The following MAOA variants were observed in gnomAD, a reference collection of about 807,000 sequenced individuals.
The protein encoded by MAOA is monoamine oxidase A, also known as amine oxidase [flavin-containing] A.
MAOA carries 6 observed loss-of-function variants against 42.0 expected under a neutral mutation model. The observed-to-expected ratio is 0.14, with a 90% CI of 0.08 to 0.28. The LOEUF (loss-of-function observed/expected upper bound fraction) is 0.28. MAOA is among the 10% of genes least tolerant of loss of function. MAOA has a pLI of 1.00. For missense variants in MAOA, 262 were observed against 422.3 expected (o/e 0.62, Z 3.33); for synonymous variants, 140 against 154.0 (o/e 0.91, Z 0.67).
chrX:43,687,822 T>C (rs2033499261), intron 2 of MAOA, among the ~76,000 whole-genome samples: 2 of 112,680 alleles, frequency 1.8e-5, no homozygotes, highest in Admixed American at 1.9e-4. Flanking sequence ...CAGACCCTCA[T>C]TTGTTTTGTC....
At chrX:43,711,539 G>A in intron 3 of MAOA, among the ~76,000 whole-genome samples, 1 of 112,269 alleles carries the variant, frequency 8.9e-6, no homozygotes, top group Non-Finnish European at 1.9e-5. Context: ...GAATTCAGGA[G>A]TTGAGAATAT....
chrX:43,665,046 C>T (rs891287941), intron 1 of MAOA, among the ~76,000 whole-genome samples: 6 of 111,426 alleles, frequency 5.4e-5, no homozygotes, highest in African/African-American at 1.3e-4. Flanking sequence ...ATGTCACTTT[C>T]GGGAATAAAG....
intron 1 of MAOA, among the ~76,000 whole-genome samples, chrX:43,682,752 A>G (rs1158404760): frequency 8.9e-6 from 1 of 112,025 alleles, no homozygotes; most frequent in Non-Finnish European, 1.9e-5. Context: ...AAAACTTGAC[A>G]AACACCACCT....
intron 3 of MAOA, among the ~76,000 whole-genome samples, chrX:43,694,042 C>G (rs1267490168): frequency 1.8e-5 from 2 of 111,635 alleles, no homozygotes; most frequent in Admixed American, 9.5e-5. Flanking sequence ...TGTTTAAACT[C>G]TAGCCACTGA....
Position 43,658,010 on chromosome X carries a change from T to A in MAOA, c.73+1596T>A, listed in dbSNP as rs2033199609. ...ATTTCAGCTTGTTTCTCTTTATTTA[T>A]TTATGTATTTATTTATTCATTCAAA... On this transcript the variant is annotated intron_variant, in intron 1 of 14. Transcript: ENST00000338702. 2.0e-5 allele frequency: 12 copies of A among 587,270 alleles called. No homozygotes were observed. In the South Asian group the frequency reaches 8.9e-4, roughly 44 times the overall value. 48.4% of individuals were successfully genotyped at this position (587,270 alleles called of 1,213,427 possible).
chrX:43,699,418 A>G (rs2033605417), intron 3 of MAOA, among the ~76,000 whole-genome samples: 1 of 106,190 alleles, frequency 9.4e-6, no homozygotes. Flanking sequence ...GGTGAGGGGT[A>G]TGGAGAGGGA....
intron 5 of MAOA, among the ~76,000 whole-genome samples, chrX:43,713,302 GGA>G (rs2033713308): frequency 9.0e-6 from 1 of 111,104 alleles, no homozygotes; most frequent in Non-Finnish European, 1.9e-5. Context: ...ATGGATGCAG[GGA>G]GGGGAACAAC....
At chrX:43,703,719 G>A (rs1419284193) in intron 3 of MAOA, among the ~76,000 whole-genome samples, 1 of 111,624 alleles carries the variant, frequency 9.0e-6, no homozygotes, top group African/African-American at 3.3e-5. Flanking sequence ...AACTTTGGAA[G>A]TGCTCCATAT....
intron 9 of MAOA, among the ~76,000 whole-genome samples, chrX:43,733,290 A>G (rs967129841): frequency 1.8e-5 from 2 of 112,547 alleles, no homozygotes; most frequent in African/African-American, 6.5e-5. Context: ...CCAGTTCAGA[A>G]TTGAGCCAGG....
intron 3 of MAOA, among the ~76,000 whole-genome samples, chrX:43,708,720 T>A (rs1180850015): frequency 9.4e-6 from 1 of 106,446 alleles, no homozygotes; most frequent in African/African-American, 3.4e-5. Flanking sequence ...TGGAGTGTAG[T>A]GGCACGATAT....
At chrX:43,705,943 A>G (rs1206694612) in intron 3 of MAOA, among the ~76,000 whole-genome samples, 2 of 112,448 alleles carry the variant, frequency 1.8e-5, no homozygotes, top group Non-Finnish European at 3.8e-5. Flanking sequence ...TGGCTGTAAT[A>G]AAAAAGGCAG....
At chrX:43,657,893 T>G (rs2033197861) in intron 1 of MAOA, 6 of 753,768 alleles carry the variant, frequency 8.0e-6, no homozygotes, top group Non-Finnish European at 9.4e-6. Flanking sequence ...GAACTGTTGC[T>G]TTGCCAGTTC....
chrX:43,669,814 A>G (rs2033313717), intron 1 of MAOA, among the ~76,000 whole-genome samples: 1 of 111,897 alleles, frequency 8.9e-6, no homozygotes, highest in African/African-American at 3.3e-5. Flanking sequence ...GTAATCTGGA[A>G]CACAATGAAC....
At chrX:43,663,275 T>A (rs934008363) in intron 1 of MAOA, among the ~76,000 whole-genome samples, 1 of 111,686 alleles carries the variant, frequency 9.0e-6, no homozygotes, top group Admixed American at 9.6e-5. Context: ...ATTCACACTT[T>A]CCCCATGGCT....
At chrX:43,680,106 A>G (rs2033431127) in intron 1 of MAOA, among the ~76,000 whole-genome samples, 1 of 112,070 alleles carries the variant, frequency 8.9e-6, no homozygotes, top group Non-Finnish European at 1.9e-5. Context: ...ATGTAAGAGT[A>G]GTGTACTTGA....
chrX:43,714,321 G>A (rs1319530301), intron 5 of MAOA, among the ~76,000 whole-genome samples: 1 of 110,780 alleles, frequency 9.0e-6, no homozygotes, highest in East Asian at 2.9e-4. Context: ...AGGAAGGACT[G>A]ATGGGGCAGG....
chrX:43,692,401 C>G (rs935448126), intron 2 of MAOA, among the ~76,000 whole-genome samples: 1 of 111,159 alleles, frequency 9.0e-6, no homozygotes, highest in African/African-American at 3.3e-5. Flanking sequence ...ATAAAGTTAT[C>G]TGGTACTGTG....
At position 43,746,411 on chromosome X, in the gene MAOA, C is replaced by T. The variant is rs2033999308; in HGVS notation, c.*1898C>T. 8.9e-6 allele frequency: 1 copy of T among 111,935 alleles called. No individual in the cohort carries two copies. Among genetic ancestry groups the T allele is most frequent in the Admixed American group, 9.5e-5 (1 of 10,543 alleles). The allele number at this position is 111,935 out of a possible 1,213,427, so 9.2% of individuals were successfully genotyped here. ...TGGAGCTGAGGACTCTCACGATATG[C>T]AAGTTCATCCAACGTGAAGATACCA... On this transcript the variant is annotated 3_prime_UTR_variant, in exon 15 of 15. Transcript: ENST00000338702.
chrX:43,730,916 C>G (rs1007182119), intron 6 of MAOA, among the ~76,000 whole-genome samples: 1 of 111,984 alleles, frequency 8.9e-6, no homozygotes, highest in Admixed American at 9.4e-5. Context: ...CCTCCACACC[C>G]TGCACTCTTT....
Sources: allele counts gnomAD v4.1 joint callset (sites outside exome capture counted in the v4.1 genomes callset), GRCh38; gene constraint gnomAD v4.1.1; transcripts MANE v1.5; gene names NCBI Gene and HGNC (gene_info 2026-07-23, HGNC 2026-07-21).